The following MYCBP2 variants were observed in gnomAD, a reference collection of about 807,000 sequenced individuals.
MYCBP2 encodes the protein E3 ubiquitin-protein ligase MYCBP2.
A neutral mutation model predicts 525.3 loss-of-function variants in MYCBP2; 120 were observed. The observed-to-expected ratio is 0.23, with a 90% CI of 0.20 to 0.27. The LOEUF (loss-of-function observed/expected upper bound fraction) is 0.27, where lower values mean the gene tolerates loss of function less well. Ranked by LOEUF, MYCBP2 falls within the 10% of genes least tolerant of loss-of-function variation. The pLI is 1.00. For missense variants in MYCBP2, 4,149 were observed against 5,657.1 expected (o/e 0.73, Z 8.55); for synonymous variants, 1,894 against 1,955.8 (o/e 0.97, Z 0.83).
chr13:77,069,438 T>C (rs1462411129), intron 69 of MYCBP2, among the ~76,000 whole-genome samples: 36 of 133,678 alleles, frequency 2.7e-4, no homozygotes, highest in African/African-American at 5.1e-4. Context: ...CTGGCTAATA[T>C]GGTGAAATCC....
intron 46 of MYCBP2, among the ~76,000 whole-genome samples, chr13:77,151,650 A>G (rs2056471750): frequency 6.6e-6 from 1 of 152,224 alleles, no homozygotes; most frequent in Admixed American, 6.5e-5. Flanking sequence ...TAATATACTG[A>G]AAATACAAAT....
At chr13:77,095,709 A>C in intron 57 of MYCBP2, 107 bp from the exon 58 acceptor site, 1 of 1,271,996 alleles carries the variant, frequency 7.9e-7, no homozygotes, top group Non-Finnish European at 1.1e-6. Flanking sequence ...AACACTTGTA[A>C]AGCTATTTTA....
intron 1 of MYCBP2, among the ~76,000 whole-genome samples, chr13:77,319,168 C>T (rs1422933691): frequency 3.9e-5 from 6 of 151,990 alleles, no homozygotes; most frequent in Non-Finnish European, 8.8e-5. Flanking sequence ...TCCAGCACCC[C>T]GAACTAGGTG....
At chr13:77,289,175 C>T (rs1024106194) in intron 2 of MYCBP2, among the ~76,000 whole-genome samples, 2 of 151,510 alleles carry the variant, frequency 1.3e-5, no homozygotes, top group Non-Finnish European at 2.9e-5. Flanking sequence ...CCCAAATATT[C>T]GACTCTTCTT....
At chr13:77,287,498 C>A (rs1594678873) in intron 3 of MYCBP2, among the ~76,000 whole-genome samples, 1 of 152,198 alleles carries the variant, frequency 6.6e-6, no homozygotes, top group South Asian at 2.1e-4. Context: ...ACAATACATG[C>A]TTCTATTATA....
intron 48 of MYCBP2, 137 bp downstream of exon 48, chr13:77,146,025 T>A: frequency 3.8e-6 from 2 of 529,038 alleles, no homozygotes; most frequent in South Asian, 7.2e-5. Flanking sequence ...CATTATTATA[T>A]GACATCTCTA....
chr13:77,297,671 G>A (rs1445682608), intron 1 of MYCBP2, among the ~76,000 whole-genome samples: 1 of 152,142 alleles, frequency 6.6e-6, no homozygotes, highest in Non-Finnish European at 1.5e-5. Flanking sequence ...AAAAAGTAAT[G>A]GGTTTGATTT....
intron 53 of MYCBP2, among the ~76,000 whole-genome samples, chr13:77,126,098 C>T (rs2099408325): frequency 6.6e-6 from 1 of 152,010 alleles, no homozygotes; most frequent in African/African-American, 2.4e-5. Flanking sequence ...TTTATATATA[C>T]AATACAAATC....
chr13:77,250,322 ACTC>A (rs1357882654), intron 15 of MYCBP2, among the ~76,000 whole-genome samples: 2 of 152,108 alleles, frequency 1.3e-5, no homozygotes, highest in African/African-American at 4.8e-5. Flanking sequence ...TTAGAAATAA[ACTC>A]CTATTAGATC....
chr13:77,153,615 A>G (rs2154196345), intron 46 of MYCBP2, among the ~76,000 whole-genome samples: 1 of 152,338 alleles, frequency 6.6e-6, no homozygotes, highest in African/African-American at 2.4e-5. Flanking sequence ...GAATAATTTT[A>G]TACTTTAAGA....
At chr13:77,053,714 A>C (rs2154058979) in intron 80 of MYCBP2, among the ~76,000 whole-genome samples, 1 of 152,252 alleles carries the variant, frequency 6.6e-6, no homozygotes, top group Admixed American at 6.5e-5. Context: ...AATGTGCACT[A>C]TTGGGTGTGC....
chr13:77,045,521 AAAT>A lies in MYCBP2; in HGVS notation c.13922-31_13922-29del, dbSNP rs1469238048. ...GTATAAATTTGAAGGAGGCAAAGGA[AAAT>A]AATGTTTTAAGAATACACACATATA... On this transcript the variant is annotated intron_variant, in intron 82 of 82. Transcript: ENST00000544440. 3 of 1,463,774 alleles carry A rather than the reference AAAT, an allele frequency of 2.0e-6. No homozygotes were observed. In the African/African-American group the frequency reaches 4.2e-5, roughly 20 times the overall value. 90.7% of individuals were successfully genotyped at this position (1,463,774 alleles called of 1,614,324 possible).
chr13:77,104,193 T>C (rs936555701), intron 55 of MYCBP2, among the ~76,000 whole-genome samples: 1 of 152,124 alleles, frequency 6.6e-6, no homozygotes, highest in Non-Finnish European at 1.5e-5. Flanking sequence ...GATAGTTGTC[T>C]TAGTATTATT....
intron 32 of MYCBP2, among the ~76,000 whole-genome samples, chr13:77,183,837 C>T (rs1055978090): frequency 6.6e-6 from 1 of 152,088 alleles, no homozygotes; most frequent in African/African-American, 2.4e-5. Flanking sequence ...CATGAGCCAC[C>T]GTGCCCGGTG....
chr13:77,286,989 A>G (rs2076916277), intron 3 of MYCBP2, among the ~76,000 whole-genome samples: 2 of 147,434 alleles, frequency 1.4e-5, no homozygotes, highest in South Asian at 2.2e-4. Context: ...GGTTCACGCC[A>G]TTCTCCTGCC....
intron 55 of MYCBP2, among the ~76,000 whole-genome samples, chr13:77,101,882 G>A (rs1292580049): frequency 2.0e-5 from 3 of 151,834 alleles, no homozygotes; most frequent in African/African-American, 7.3e-5. Context: ...GTATGTTGTG[G>A]CTGCTCAAAA....
Position 77,139,336 on chromosome 13 carries a change from T to G in MYCBP2, c.7519A>C (p.Ile2507Leu), listed in dbSNP as rs1393030628. The change falls in exon 52 of 83, where the codon ATC (isoleucine) becomes CTC (leucine). Residue 2507 changes from isoleucine (I) to leucine (L), a missense_variant and splice_region_variant. By Grantham distance (5) the Ile-to-Leu change is conservative. Transcript: ENST00000544440. ...AGCCACACACCATCATCATTATGGA[T>G]CTATAGAAAAAAGCAACAGAAACAA... ...VNGTITFIDE[I>L]HNDDGVWLRL... The G allele has an allele frequency of 6.8e-6, 11 of 1,610,238 alleles. No homozygotes were observed. Among genetic ancestry groups the G allele is most frequent in the Non-Finnish European group, 7.6e-6 (9 of 1,177,892 alleles).
chr13:77,077,267 C>T lies in MYCBP2; in HGVS notation c.11605G>A (p.Val3869Ile), dbSNP rs778731624. 6.2e-7 allele frequency: 1 copy of T among 1,613,902 alleles called. No homozygotes were observed. Among genetic ancestry groups the T allele is most frequent in the African/African-American group, 1.3e-5 (1 of 74,912 alleles). Residue 3869 changes from valine (V) to isoleucine (I), a missense_variant, in exon 67 of 83, where the codon GTC becomes ATC. By Grantham distance (29) the Val-to-Ile change is conservative (BLOSUM62 3). Transcript: ENST00000544440. ...CTTTCACCATCTTTCCAGCCCAGGA[C>T]TTTGACTTGTCGAACTCTCAGTGTA... Reference protein sequence around the residue: ...ENTLRVRQVKVLGWKDGESTK... With the variant: ...ENTLRVRQVKILGWKDGESTK...
At chr13:77,277,058 A>C (rs190568766) in intron 4 of MYCBP2, among the ~76,000 whole-genome samples, 1 of 152,174 alleles carries the variant, frequency 6.6e-6, no homozygotes, top group African/African-American at 2.4e-5. Flanking sequence ...AAGGAAAGAA[A>C]GTATGTACAG....
Sources: gnomAD v4.1 joint callset for allele counts (sites outside exome capture counted in the v4.1 genomes callset) on GRCh38, gnomAD v4.1.1 for gene constraint, MANE v1.5 for transcripts, NCBI Gene and HGNC (gene_info 2026-07-23, HGNC 2026-07-21) for gene names.